The following ACVR2A variants were observed in gnomAD, a reference collection of about 807,000 sequenced individuals.
The protein encoded by ACVR2A is activin A receptor type 2A.
In ACVR2A, 7 loss-of-function variants were observed where a neutral mutation model predicts 61.4. That is an observed-to-expected ratio of 0.11 (90% CI 0.06 to 0.21). ACVR2A has a LOEUF of 0.21. Among genes scored for constraint, ACVR2A ranks in the 10% least tolerant of loss-of-function variants. The probability of loss-of-function intolerance (pLI) is 1.00; values close to 1 mark genes in which losing one functional copy is unlikely to be tolerated. For synonymous variants in ACVR2A, 193 were observed against 208.3 expected (o/e 0.93, Z 0.63); for missense variants, 322 against 621.7 (o/e 0.52, Z 5.13).
At chr2:147,897,214 G>A (rs1258309978) in intron 2 of ACVR2A, 1 of 151,802 alleles carries the variant, frequency 6.6e-6, no homozygotes, top group African/African-American at 2.4e-5. Context: ...CTCCATGTTG[G>A]TCAAGCTGGT....
chr2:147,901,170 A>G (rs542906427), intron 4 of ACVR2A, among the ~76,000 whole-genome samples: 3 of 152,152 alleles, frequency 2.0e-5, no homozygotes, highest in African/African-American at 7.2e-5. Context: ...GTTTACTCCA[A>G]ATGGCCATAG....
At chr2:147,881,525 TA>T (rs1462415440) in intron 1 of ACVR2A, among the ~76,000 whole-genome samples, 8 of 151,560 alleles carry the variant, frequency 5.3e-5, no homozygotes, top group African/African-American at 1.9e-4. Flanking sequence ...GAAAACATTA[TA>T]ATGGATGTCT....
chr2:147,889,873 T>C (rs1686540452), intron 1 of ACVR2A, among the ~76,000 whole-genome samples: 1 of 151,826 alleles, frequency 6.6e-6, no homozygotes, highest in African/African-American at 2.4e-5. Context: ...CAGTAAACCA[T>C]AAGCAGTACT....
chr2:147,906,520 A>G (rs1573697696), intron 4 of ACVR2A, among the ~76,000 whole-genome samples: 3 of 152,296 alleles, frequency 2.0e-5, no homozygotes, highest in African/African-American at 7.2e-5. Context: ...GGGAGGAAAA[A>G]TGTCTATTTC....
chr2:147,903,048 A>G (rs1686907726), intron 4 of ACVR2A: 1 of 151,928 alleles, frequency 6.6e-6, no homozygotes, highest in Non-Finnish European at 1.5e-5. Context: ...TGGTTCTGGC[A>G]GTTAGGTGAG....
intron 8 of ACVR2A, among the ~76,000 whole-genome samples, 193 bp from the exon 9 acceptor site, chr2:147,922,780 A>C (rs557882006): frequency 6.6e-6 from 1 of 152,256 alleles, no homozygotes; most frequent in African/African-American, 2.4e-5. Context: ...AAAACTTCTA[A>C]GTCTGTACCA....
intron 1 of ACVR2A, among the ~76,000 whole-genome samples, chr2:147,892,439 C>A (rs949265804): frequency 1.6e-5 from 2 of 124,820 alleles, no homozygotes; most frequent in African/African-American, 2.9e-5. Context: ...AACCACTGTT[C>A]TCAAACTTTT....
intron 1 of ACVR2A, among the ~76,000 whole-genome samples, chr2:147,885,238 T>C (rs1260253659): frequency 6.6e-6 from 1 of 152,146 alleles, no homozygotes; most frequent in Admixed American, 6.5e-5. Flanking sequence ...TAAAAAAAAG[T>C]CATCTTATAT....
intron 1 of ACVR2A, among the ~76,000 whole-genome samples, chr2:147,845,751 G>C (rs1172657384): frequency 6.6e-6 from 1 of 152,152 alleles, no homozygotes; most frequent in Non-Finnish European, 1.5e-5. Context: ...TTCAACTTCA[G>C]CGTCCAGCAG....
At chr2:147,875,315 G>A (rs1331166643) in intron 1 of ACVR2A, among the ~76,000 whole-genome samples, 2 of 151,892 alleles carry the variant, frequency 1.3e-5, no homozygotes, top group East Asian at 3.9e-4. Context: ...CCACCCTACC[G>A]TGAGTGTACT....
chr2:147,912,219 C>T (rs573773545), intron 4 of ACVR2A, among the ~76,000 whole-genome samples: 1 of 152,002 alleles, frequency 6.6e-6, no homozygotes, highest in South Asian at 2.1e-4. Flanking sequence ...CAGGAGATTA[C>T]TTTTTACCAG....
At chr2:147,877,018 A>G (rs1288047107) in intron 1 of ACVR2A, among the ~76,000 whole-genome samples, 2 of 144,210 alleles carry the variant, frequency 1.4e-5, no homozygotes, top group Non-Finnish European at 3.1e-5. Context: ...GTGTCTCTCT[A>G]TTCTTTTACT....
chr2:147,876,278 C>A (rs777381764), intron 1 of ACVR2A, among the ~76,000 whole-genome samples: 3 of 151,962 alleles, frequency 2.0e-5, no homozygotes, highest in Non-Finnish European at 4.4e-5. Flanking sequence ...TCCATGACTT[C>A]TTGCTTTTCT....
chr2:147,927,325 C>T lies in ACVR2A; in HGVS notation c.*51C>T. 3.3e-6 allele frequency: 5 copies of T among 1,515,144 alleles called. No individual in the cohort carries two copies. Among genetic ancestry groups the T allele is most frequent in the Non-Finnish European group, 4.5e-6 (5 of 1,120,738 alleles). 93.9% of individuals were successfully genotyped at this position (1,515,144 alleles called of 1,614,324 possible). A position where few individuals can be genotyped will look rare whatever the true frequency, so the allele number is the denominator to read the frequency against. On this transcript the variant is annotated 3_prime_UTR_variant, in exon 11 of 11. Transcript: ENST00000241416. Reference sequence around the variant, plus strand: ...GAAATGGGACTCTGAACTGGAGCTGCTAAGCTAAAGAAACTGCTTACAGTT... The same window carrying T: ...GAAATGGGACTCTGAACTGGAGCTGTTAAGCTAAAGAAACTGCTTACAGTT...
intron 7 of ACVR2A, 79 bp from the exon 8 acceptor site, chr2:147,920,151 C>A (rs1335519400): frequency 1.0e-5 from 9 of 893,464 alleles, no homozygotes; most frequent in Admixed American, 2.1e-5. Context: ...TGTACATATT[C>A]CCCCTTTTCT....
chr2:147,921,942 T>C (rs1487481441), intron 8 of ACVR2A, among the ~76,000 whole-genome samples: 1 of 152,148 alleles, frequency 6.6e-6, no homozygotes, highest in African/African-American at 2.4e-5. Context: ...TTGCATGTTA[T>C]TGCACATTTT....
At chr2:147,905,473 C>A (rs1400842548) in intron 4 of ACVR2A, among the ~76,000 whole-genome samples, 2 of 151,826 alleles carry the variant, frequency 1.3e-5, no homozygotes, top group African/African-American at 2.4e-5. Flanking sequence ...ACAGAACTCA[C>A]ATCTCACAAA....
At chr2:147,887,587 T>G (rs1036696356) in intron 1 of ACVR2A, among the ~76,000 whole-genome samples, 5 of 152,228 alleles carry the variant, frequency 3.3e-5, no homozygotes, top group Admixed American at 6.5e-5. Context: ...TCTATCATTA[T>G]TTTTATAAAA....
At chr2:147,879,031 C>T (rs1686228190) in intron 1 of ACVR2A, among the ~76,000 whole-genome samples, 1 of 151,876 alleles carries the variant, frequency 6.6e-6, no homozygotes, top group South Asian at 2.1e-4. Flanking sequence ...GGGAGTAGAC[C>T]ATATGGTAAA....
Sources: allele counts gnomAD v4.1 joint callset (sites outside exome capture counted in the v4.1 genomes callset), GRCh38; gene constraint gnomAD v4.1.1; transcripts MANE v1.5; gene names NCBI Gene and HGNC (gene_info 2026-07-23, HGNC 2026-07-21).